Variants in WDR27 observed in about 807,000 individuals in gnomAD.
WDR27 encodes the protein WD repeat-containing protein 27.
In WDR27, 100 loss-of-function variants were observed where a neutral mutation model predicts 114.4. The ratio of observed to expected loss-of-function variants is 0.87; its 90% CI spans 0.74 to 1.03. The LOEUF (loss-of-function observed/expected upper bound fraction) is 1.03, where lower values mean the gene tolerates loss of function less well. Among genes scored for constraint, WDR27 ranks in the 50% least tolerant of loss-of-function variants. WDR27 has a pLI of 0.00. For missense variants in WDR27, 1,129 were observed against 1,092.9 expected (o/e 1.03, Z -0.47); for synonymous variants, 449 against 423.1 (o/e 1.06, Z -0.75).
At chr6:169,432,404 T>G in the WDR27 span, among the ~76,000 whole-genome samples, 18 of 152,210 alleles carry the variant, frequency 1.2e-4, no homozygotes, top group Non-Finnish European at 2.4e-4. Context: ...TTTGGCTGTG[T>G]CCCCACCCAA....
chr6:169,599,430 A>G (rs1341725443), intron 23 of WDR27, among the ~76,000 whole-genome samples: 2 of 152,044 alleles, frequency 1.3e-5, no homozygotes, highest in African/African-American at 2.4e-5. Context: ...TATTGCCTCA[A>G]TTTCAGAGCC....
At chr6:169,665,699 A>G in intron 6 of WDR27, 143 bp from the exon 7 acceptor site, 1 of 812,992 alleles carries the variant, frequency 1.2e-6, no homozygotes, top group South Asian at 2.0e-5. Flanking sequence ...TTCCAAAATA[A>G]TTTCTTCACC....
chr6:169,693,216 C>T (rs1784958273), intron 1 of WDR27, among the ~76,000 whole-genome samples: 1 of 151,990 alleles, frequency 6.6e-6, no homozygotes, highest in South Asian at 2.1e-4. Context: ...TGATTGTCAG[C>T]TAAGAATTTT....
chr6:169,621,057 T>C (rs1011253051), intron 21 of WDR27, among the ~76,000 whole-genome samples: 2 of 152,202 alleles, frequency 1.3e-5, no homozygotes, highest in Admixed American at 1.3e-4. Context: ...TAACTCTTCA[T>C]TCACAGAACA....
chr6:169,660,545 G>C, intron 10 of WDR27, 118 bp downstream of exon 10: 2 of 821,896 alleles, frequency 2.4e-6, no homozygotes, highest in South Asian at 1.5e-5. Context: ...AGTTGTGACT[G>C]AAGCATCTCA....
intron 22 of WDR27, among the ~76,000 whole-genome samples, chr6:169,612,489 G>A (rs867472659): frequency 1.3e-4 from 20 of 151,566 alleles, no homozygotes; most frequent in African/African-American, 4.4e-4. Flanking sequence ...GCACTTGCCT[G>A]TAAACCCAGC....
rs1794941272 is a variant in WDR27 at position 169,526,090 on chromosome 6, AGGG to A, written c.2645+46326_2645+46328del. 3.3e-5 allele frequency among the ~76,000 whole-genome samples: 5 copies of A among 152,296 alleles called. No homozygotes were observed. In the South Asian group the frequency reaches 1.0e-3, roughly 32 times the overall value. On this transcript the variant is annotated intron_variant, in intron 25 of 25. Transcript: ENST00000448612. ...GTGGTTACCAGAGGCTGAGAAGGGC[AGGG>A]GAATGATGAGAAATCAATTAACGGG...
At chr6:169,496,106 T>C (rs1332902534) in intron 25 of WDR27, among the ~76,000 whole-genome samples, 1 of 151,994 alleles carries the variant, frequency 6.6e-6, no homozygotes, top group Admixed American at 6.6e-5. Flanking sequence ...GCAAGGATGG[T>C]TCAAAATACA....
the WDR27 span, among the ~76,000 whole-genome samples, chr6:169,440,425 TCA>T: frequency 1.3e-5 from 2 of 152,166 alleles, no homozygotes; most frequent in African/African-American, 2.4e-5. Context: ...GGGACAAGCC[TCA>T]CGCCTAGTGT....
chr6:169,671,101 G>A (rs1343624152), intron 3 of WDR27: 1 of 156,188 alleles, frequency 6.4e-6, no homozygotes, highest in African/African-American at 2.4e-5. Flanking sequence ...CAGGCCTCCA[G>A]GGACTAAGCA....
intron 4 of WDR27, chr6:169,669,660 C>G (rs1167536151): frequency 6.6e-6 from 1 of 152,152 alleles, no homozygotes; most frequent in East Asian, 1.9e-4. Flanking sequence ...CAAACACCAA[C>G]ATATCCAGAA....
intron 23 of WDR27, among the ~76,000 whole-genome samples, chr6:169,599,529 T>C (rs1174764881): frequency 6.6e-6 from 1 of 152,206 alleles, no homozygotes; most frequent in South Asian, 2.1e-4. Flanking sequence ...TTCTTCTAGA[T>C]TTTCTAGTTT....
chr6:169,467,213 T>C (rs934775247), intron 25 of WDR27, among the ~76,000 whole-genome samples: 1 of 152,232 alleles, frequency 6.6e-6, no homozygotes. Flanking sequence ...TTTCACGGGC[T>C]AGAACAGAGT....
chr6:169,648,595 C>T (rs1415742597), intron 15 of WDR27, among the ~76,000 whole-genome samples: 1 of 152,242 alleles, frequency 6.6e-6, no homozygotes, highest in African/African-American at 2.4e-5. Context: ...TCAATATTGG[C>T]GCTCTGTAAT....
At chr6:169,434,542 G>T in the WDR27 span, among the ~76,000 whole-genome samples, 1 of 152,050 alleles carries the variant, frequency 6.6e-6, no homozygotes, top group Admixed American at 6.5e-5. Flanking sequence ...CAATTGTCTT[G>T]GTTCCATATG....
rs866047203 is a variant in WDR27 at position 169,692,645 on chromosome 6, C to T, written c.-7-3633G>A. On this transcript the variant is annotated intron_variant, in intron 1 of 25. Transcript: ENST00000448612. ...CAAACTGCATGGGAGCTGGGTGAGG[C>T]CTTTCACTACCGGCTTTCCCCCACT... is the stretch of plus-strand genomic sequence containing the variant. 5.3e-5 allele frequency among the ~76,000 whole-genome samples: 8 copies of T among 152,276 alleles called. No homozygotes were observed. In the South Asian group the frequency reaches 6.2e-4, roughly 12 times the overall value.
chr6:169,639,168 G>A (rs1369827903), intron 17 of WDR27, among the ~76,000 whole-genome samples: 3 of 149,678 alleles, frequency 2.0e-5, no homozygotes, highest in Admixed American at 6.6e-5. Flanking sequence ...TGTACTGCGT[G>A]GTGCTGGGTA....
At chr6:169,603,044 GT>G (rs1320833009) in intron 22 of WDR27, among the ~76,000 whole-genome samples, 3 of 151,844 alleles carry the variant, frequency 2.0e-5, no homozygotes, top group Non-Finnish European at 4.4e-5. Context: ...GTTTCACCAT[GT>G]TGGCCAAGCT....
chr6:169,699,983 G>C (rs1221426182), intron 1 of WDR27, among the ~76,000 whole-genome samples: 1 of 152,086 alleles, frequency 6.6e-6, no homozygotes, highest in East Asian at 1.9e-4. Flanking sequence ...CTGTCTCAAA[G>C]GAAAGAAAAA....
Sources: gnomAD v4.1 joint callset for allele counts (sites outside exome capture counted in the v4.1 genomes callset) on GRCh38, gnomAD v4.1.1 for gene constraint, MANE v1.5 for transcripts, NCBI Gene and HGNC (gene_info 2026-07-23, HGNC 2026-07-21) for gene names.